DPP10: variants seen among roughly 807,000 people sequenced by gnomAD.
The protein encoded by DPP10 is inactive dipeptidyl peptidase 10.
Under a neutral mutation model 120.9 loss-of-function variants are expected in DPP10, and 33 were observed. That is an observed-to-expected ratio of 0.27 (90% CI 0.21 to 0.37). The LOEUF (loss-of-function observed/expected upper bound fraction) is 0.37. Ranked by LOEUF, DPP10 falls within the 10% of genes least tolerant of loss-of-function variation. The pLI is 1.00. For synonymous variants in DPP10, 337 were observed against 326.1 expected, an observed-to-expected ratio of 1.03 and a Z score of -0.36; for missense variants, 816 against 942.8, an observed-to-expected ratio of 0.87 and a Z score of 1.76.
At chr2:115,441,769 AT>A (rs565194850) in intron 3 of DPP10, among the ~76,000 whole-genome samples, 217 of 144,338 alleles carry the variant, frequency 1.5e-3, no homozygotes, top group Non-Finnish European at 2.5e-3. Flanking sequence ...AAACTTTTAA[AT>A]TTTTTTGTCA....
intron 1 of DPP10, among the ~76,000 whole-genome samples, chr2:114,585,297 T>C (rs1690861593): frequency 6.6e-6 from 1 of 152,206 alleles, no homozygotes; most frequent in African/African-American, 2.4e-5. Context: ...AGAGACTGCC[T>C]GCATTCTATG....
chr2:114,856,531 TTA>T (rs1689383098), intron 1 of DPP10, among the ~76,000 whole-genome samples: 1 of 152,200 alleles, frequency 6.6e-6, no homozygotes, highest in South Asian at 2.1e-4. Context: ...AAATATCCAT[TTA>T]AAATAAAATA....
At chr2:114,895,719 T>A (rs1268804871) in intron 1 of DPP10, among the ~76,000 whole-genome samples, 1 of 152,226 alleles carries the variant, frequency 6.6e-6, no homozygotes, top group African/African-American at 2.4e-5. Context: ...GGAATTAGCC[T>A]ACTATAACTG....
At chr2:115,444,894 C>T (rs2072427031) in intron 3 of DPP10, among the ~76,000 whole-genome samples, 1 of 152,108 alleles carries the variant, frequency 6.6e-6, no homozygotes, top group African/African-American at 2.4e-5. Flanking sequence ...TTAGCTAACT[C>T]ATAAGGGTCA....
chr2:115,037,862 A>C (rs2105281215), intron 1 of DPP10, among the ~76,000 whole-genome samples: 1 of 152,320 alleles, frequency 6.6e-6, no homozygotes, highest in East Asian at 1.9e-4. Context: ...AAAGAGTAAT[A>C]ATCTAGTCTA....
At position 115,683,237 on chromosome 2, in the gene DPP10, A is replaced by G. The variant is rs1397767671; in HGVS notation, c.442-6450A>G. On this transcript the variant is annotated intron_variant, in intron 5 of 25. Coordinates refer to ENST00000410059, the MANE Select transcript of DPP10 (RefSeq NM_020868.6). ...GCATATTAGTAAGTGAAAAAAGCCA[A>G]TTTGAAAAGTCTGCATACTGGATGA... Among the ~76,000 whole-genome samples the G allele has an allele frequency of 4.6e-5, 7 of 151,918 alleles. No homozygotes were observed. In the East Asian group the frequency reaches 1.2e-3, roughly 25 times the overall value.
chr2:115,485,642 G>T (rs1296118154), intron 3 of DPP10, among the ~76,000 whole-genome samples: 1 of 151,994 alleles, frequency 6.6e-6, no homozygotes, highest in Non-Finnish European at 1.5e-5. Flanking sequence ...TCTCTCTAGA[G>T]ATTTAACTGA....
chr2:114,608,891 G>A (rs1371365609), intron 1 of DPP10, among the ~76,000 whole-genome samples: 4 of 152,094 alleles, frequency 2.6e-5, no homozygotes, highest in Non-Finnish European at 5.9e-5. Flanking sequence ...TGACTAGAAA[G>A]GGGAGAGAGG....
At chr2:114,634,377 T>G (rs950738355) in intron 1 of DPP10, among the ~76,000 whole-genome samples, 1 of 151,908 alleles carries the variant, frequency 6.6e-6, no homozygotes, top group Non-Finnish European at 1.5e-5. Context: ...TTTTTAAGTT[T>G]TTTTTTATTT....
At chr2:114,490,284 G>A (rs780619829) in intron 1 of DPP10, among the ~76,000 whole-genome samples, 5 of 152,086 alleles carry the variant, frequency 3.3e-5, no homozygotes, top group African/African-American at 4.8e-5. Context: ...CTTTCTATTG[G>A]TGGTTGGCTC....
chr2:114,686,650 G>T (rs921171346), intron 1 of DPP10, among the ~76,000 whole-genome samples: 3 of 151,872 alleles, frequency 2.0e-5, no homozygotes, highest in Non-Finnish European at 4.4e-5. Flanking sequence ...GCTAACATTA[G>T]ACTCATCCCT....
chr2:115,390,372 CGA>C (rs1025149213), intron 3 of DPP10, among the ~76,000 whole-genome samples: 1 of 152,122 alleles, frequency 6.6e-6, no homozygotes, highest in African/African-American at 2.4e-5. Context: ...TTCTGCCAAA[CGA>C]GAGATGGCAT....
chr2:115,062,166 G>GTGTGTA (rs1335187541), intron 1 of DPP10, among the ~76,000 whole-genome samples: 437 of 142,148 alleles, frequency 3.1e-3, no homozygotes, highest in Middle Eastern at 0.011. Flanking sequence ...GTGTGTGTGT[G>GTGTGTA]TGTATGTGTG....
At chr2:114,619,583 A>G (rs941267647) in intron 1 of DPP10, among the ~76,000 whole-genome samples, 1 of 151,928 alleles carries the variant, frequency 6.6e-6, no homozygotes, top group East Asian at 1.9e-4. Flanking sequence ...TTTCCAAAAA[A>G]TTGCTTTTAT....
intron 1 of DPP10, among the ~76,000 whole-genome samples, chr2:114,958,567 T>G (rs1048438221): frequency 3.9e-5 from 6 of 152,214 alleles, no homozygotes; most frequent in Non-Finnish European, 7.3e-5. Context: ...TGTGAGGTGA[T>G]GGATATGTTA....
At chr2:115,267,833 C>T (rs1056110690) in intron 1 of DPP10, among the ~76,000 whole-genome samples, 2 of 152,104 alleles carry the variant, frequency 1.3e-5, no homozygotes, top group African/African-American at 2.4e-5. Context: ...ATAGATTGTG[C>T]TTTTAAAAAT....
intron 1 of DPP10, among the ~76,000 whole-genome samples, chr2:114,714,258 G>A (rs983167797): frequency 2.0e-5 from 3 of 152,082 alleles, no homozygotes; most frequent in African/African-American, 7.2e-5. Context: ...CAACATAGTG[G>A]CAGCCAAAGT....
chr2:115,260,340 C>T (rs933190248), intron 1 of DPP10, among the ~76,000 whole-genome samples: 1 of 152,052 alleles, frequency 6.6e-6, no homozygotes, highest in Non-Finnish European at 1.5e-5. Flanking sequence ...ACTTACTTTT[C>T]TTTCATGGCA....
intron 1 of DPP10, among the ~76,000 whole-genome samples, chr2:115,136,782 G>A (rs2050673517): frequency 6.6e-6 from 1 of 152,180 alleles, no homozygotes; most frequent in Non-Finnish European, 1.5e-5. Context: ...AAAAATGGAT[G>A]TTTCAGAGGT....
Sources: gnomAD v4.1 joint callset for allele counts (sites outside exome capture counted in the v4.1 genomes callset) on GRCh38, gnomAD v4.1.1 for gene constraint, MANE v1.5 for transcripts, NCBI Gene and HGNC (gene_info 2026-07-23, HGNC 2026-07-21) for gene names.